Variants in SPATS2 observed in about 807,000 individuals in gnomAD.
The protein encoded by SPATS2 is spermatogenesis-associated serine-rich protein 2.
In SPATS2, 38 loss-of-function variants were observed where a neutral mutation model predicts 63.7. The observed-to-expected ratio is 0.60, with a 90% CI of 0.46 to 0.78. The LOEUF (loss-of-function observed/expected upper bound fraction) is 0.78. SPATS2 is among the 30% of genes least tolerant of loss of function. The pLI, the probability that SPATS2 is intolerant of heterozygous loss-of-function variation, is 0.00. For missense variants in SPATS2, 588 were observed against 666.2 expected (o/e 0.88, Z 1.29); for synonymous variants, 207 against 232.9 (o/e 0.89, Z 1.01).
chr12:49,411,763 AT>A (rs1944801506), intron 2 of SPATS2, among the ~76,000 whole-genome samples: 1 of 152,172 alleles, frequency 6.6e-6, no homozygotes, highest in Admixed American at 6.5e-5. Context: ...GGAGAAAGTA[AT>A]TTTTCTTTCA....
intron 2 of SPATS2, among the ~76,000 whole-genome samples, chr12:49,393,495 G>A (rs1944455843): frequency 6.6e-6 from 1 of 151,988 alleles, no homozygotes; most frequent in Middle Eastern, 3.2e-3. Context: ...TTGAAATATG[G>A]TTTGTACAGG....
At chr12:49,468,634 G>A (rs906171499) in intron 3 of SPATS2, among the ~76,000 whole-genome samples, 1 of 151,842 alleles carries the variant, frequency 6.6e-6, no homozygotes, top group Admixed American at 6.6e-5. Context: ...GTGTCATCAT[G>A]CCTGGCTAAT....
chr12:49,519,271 T>G (rs1946899299), intron 11 of SPATS2, 89 bp downstream of exon 11: 2 of 1,007,848 alleles, frequency 2.0e-6, no homozygotes, highest in South Asian at 1.7e-5. Context: ...ATCTAATATA[T>G]TAAACTCATG....
intron 8 of SPATS2, among the ~76,000 whole-genome samples, chr12:49,498,145 A>AAAAAATATATATATATATATATATAT (rs66900382): frequency 3.0e-5 from 3 of 98,974 alleles, no homozygotes; most frequent in Admixed American, 1.0e-4. Context: ...AAAAAAAAAA[A>AAAAAATATATATATATATATATATAT]ATATATATAT....
chr12:49,460,863 G>C lies in SPATS2; in HGVS notation c.-150G>C. 2 of 720,188 alleles carry C rather than the reference G, an allele frequency of 2.8e-6. No individual in the cohort carries two copies. The highest frequency in any genetic ancestry group is 3.3e-5 in the South Asian group (2 of 60,286). The allele number at this position is 720,188 out of a possible 1,614,324, so 44.6% of individuals were successfully genotyped here. On this transcript the variant is annotated 5_prime_UTR_variant, in exon 3 of 14. Coordinates refer to ENST00000552918, the MANE Select transcript of SPATS2 (RefSeq NM_023071.4). Reference sequence around the variant, plus strand: ...AGGAAAGGAGATTAACAGCTAGTGAGCAGAATTTCGAACAGCAGGATTTCG... The same window carrying C: ...AGGAAAGGAGATTAACAGCTAGTGACCAGAATTTCGAACAGCAGGATTTCG...
chr12:49,381,738 A>G (rs1381608976), intron 2 of SPATS2, among the ~76,000 whole-genome samples: 1 of 152,192 alleles, frequency 6.6e-6, no homozygotes. Flanking sequence ...TTGATGTATT[A>G]TCATTGTTTT....
chr12:49,402,632 A>T (rs1402336104), intron 2 of SPATS2, among the ~76,000 whole-genome samples: 1 of 152,164 alleles, frequency 6.6e-6, no homozygotes, highest in Non-Finnish European at 1.5e-5. Flanking sequence ...TGAACATTGA[A>T]ATCGCCTGGA....
At chr12:49,500,751 G>A (rs937553699) in intron 9 of SPATS2, among the ~76,000 whole-genome samples, 2 of 151,526 alleles carry the variant, frequency 1.3e-5, no homozygotes, top group South Asian at 2.1e-4. Context: ...CAGGCTGGGC[G>A]ACAGAGCGAA....
At chr12:49,485,718 G>A (rs973692032) in intron 4 of SPATS2, among the ~76,000 whole-genome samples, 1 of 150,914 alleles carries the variant, frequency 6.6e-6, no homozygotes, top group African/African-American at 2.4e-5. Flanking sequence ...AACCGTCAAC[G>A]AGCTGTACTG....
At chr12:49,386,038 AT>A (rs541859029) in intron 2 of SPATS2, among the ~76,000 whole-genome samples, 1,559 of 144,570 alleles carry the variant, frequency 0.011, 24 homozygotes, top group African/African-American at 0.037. Context: ...TGATTTTCGT[AT>A]TTTTTTTTTA....
intron 3 of SPATS2, among the ~76,000 whole-genome samples, chr12:49,483,158 G>A (rs886336848): frequency 6.8e-6 from 1 of 146,256 alleles, no homozygotes; most frequent in African/African-American, 2.5e-5. Context: ...AAAAAACAGA[G>A]CTAGATAAGA....
Position 49,484,686 on chromosome 12 carries a change from T to C in SPATS2, c.105+17T>C, listed in dbSNP as rs1349301068. The C allele has an allele frequency of 1.9e-6, 3 of 1,611,928 alleles. No homozygotes were observed. The highest frequency in any genetic ancestry group is 2.5e-6 in the Non-Finnish European group (3 of 1,178,266). ...AAAGAGAAGGTAAGACTAGTCACTA[T>C]GGATAGTAAACTTAAATGTCATAGG... On this transcript the variant is annotated intron_variant, in intron 4 of 13. Transcript: ENST00000552918.
intron 10 of SPATS2, among the ~76,000 whole-genome samples, chr12:49,516,167 ATATATATAT>A (rs1378088137): frequency 0.015 from 81 of 5,320 alleles, 4 homozygotes; most frequent in Admixed American, 0.019. Context: ...AAAAAAAAAA[ATATATATAT>A]ATATATATAT....
intron 2 of SPATS2, among the ~76,000 whole-genome samples, chr12:49,396,332 C>G (rs1023463310): frequency 2.6e-5 from 4 of 152,148 alleles, no homozygotes; most frequent in African/African-American, 9.7e-5. Context: ...CAACAGTGTA[C>G]AAGGGTTTTA....
chr12:49,418,820 G>A (rs1482159346), intron 2 of SPATS2, among the ~76,000 whole-genome samples: 2 of 152,160 alleles, frequency 1.3e-5, no homozygotes, highest in African/African-American at 4.8e-5. Flanking sequence ...ATGCTAATTT[G>A]TAGTGCTATA....
At chr12:49,501,615 T>C (rs1161442384) in intron 9 of SPATS2, among the ~76,000 whole-genome samples, 3 of 152,172 alleles carry the variant, frequency 2.0e-5, no homozygotes, top group Non-Finnish European at 2.9e-5. Flanking sequence ...TTTGTTTTTT[T>C]GTTTTGTTTT....
At position 49,369,138 on chromosome 12, in the gene SPATS2, C is replaced by G. The variant is rs369901357; in HGVS notation, c.-307+1551C>G. ...GCAACCTCCATCTCCCGGGTTCAAG[C>G]GACCCCAGCCTCCCAAGTAGCTGGA... is the stretch of plus-strand genomic sequence containing the variant. On this transcript the variant is annotated intron_variant, in intron 1 of 13. Coordinates refer to ENST00000552918, the MANE Select transcript of SPATS2 (RefSeq NM_023071.4). Among the ~76,000 whole-genome samples the G allele has an allele frequency of 6.1e-4, 91 of 148,824 alleles. No individual in the cohort carries two copies. The East Asian group carries it at 0.011, about 19-fold the overall frequency.
intron 2 of SPATS2, among the ~76,000 whole-genome samples, chr12:49,380,338 T>C (rs1210928786): frequency 2.0e-5 from 3 of 152,090 alleles, no homozygotes; most frequent in Admixed American, 2.0e-4. Context: ...ACCTCATTCC[T>C]CTTTATGGCT....
intron 2 of SPATS2, among the ~76,000 whole-genome samples, chr12:49,446,932 CTT>C (rs568526407): frequency 1.4e-4 from 20 of 142,756 alleles, no homozygotes; most frequent in African/African-American, 1.0e-4. Context: ...CTTTTCTTTT[CTT>C]TTTTTTTTTT....
Sources: gnomAD v4.1 joint callset for allele counts (sites outside exome capture counted in the v4.1 genomes callset) on GRCh38, gnomAD v4.1.1 for gene constraint, MANE v1.5 for transcripts, NCBI Gene and HGNC (gene_info 2026-07-23, HGNC 2026-07-21) for gene names.